Variants in PRKCI observed in about 807,000 individuals in gnomAD.
PRKCI encodes protein kinase C iota.
In PRKCI, 43 loss-of-function variants were observed where a neutral mutation model predicts 84.0. That is an observed-to-expected ratio of 0.51 (90% CI 0.40 to 0.66). The LOEUF (loss-of-function observed/expected upper bound fraction) is 0.66. Among genes scored for constraint, PRKCI ranks in the 30% least tolerant of loss-of-function variants. PRKCI has a pLI of 0.00. For synonymous variants in PRKCI, 216 were observed against 234.4 expected (o/e 0.92, Z 0.72); for missense variants, 459 against 745.6 (o/e 0.62, Z 4.48).
At chr3:170,272,150 T>G (rs962732110) in intron 6 of PRKCI, among the ~76,000 whole-genome samples, 2 of 152,170 alleles carry the variant, frequency 1.3e-5, no homozygotes, top group African/African-American at 4.8e-5. Flanking sequence ...TAGTGAACTT[T>G]CTGGCAAATC....
At chr3:170,247,266 G>T (rs1294703414) in intron 2 of PRKCI, among the ~76,000 whole-genome samples, 1 of 151,682 alleles carries the variant, frequency 6.6e-6, no homozygotes. Flanking sequence ...ATGTTGCCCA[G>T]GCTGGTCTTG....
intron 4 of PRKCI, among the ~76,000 whole-genome samples, chr3:170,265,990 T>C (rs1338248122): frequency 2.0e-5 from 3 of 152,188 alleles, no homozygotes; most frequent in Non-Finnish European, 4.4e-5. Flanking sequence ...GTCTTTAGTA[T>C]CTTAATTTTA....
rs199938459 is a variant in PRKCI at position 170,235,566 on chromosome 3, C to CTTTTTTTTTTTTTT, written c.223+219_223+232dup. The stretch of plus-strand genomic sequence containing the variant: ...CCAAAATGATGTGAAATTAACTTGA[C>CTTTTTTTTTTTTTT]TTTTTTTTTTTTTTTTTGAGACGGA... On this transcript the variant is annotated intron_variant, in intron 2 of 17. Coordinates refer to ENST00000295797, the MANE Select transcript of PRKCI (RefSeq NM_002740.6). 4.5e-4 allele frequency among the ~76,000 whole-genome samples: 61 copies of CTTTTTTTTTTTTTT among 136,220 alleles called. 2 individuals are homozygous for CTTTTTTTTTTTTTT. The highest frequency in any genetic ancestry group is 5.3e-4 in the African/African-American group (20 of 37,406). The allele number at this position is 136,220 out of a possible 152,430, so 89.4% of individuals were successfully genotyped here.
chr3:170,223,852 C>T (rs1446022519), intron 1 of PRKCI, among the ~76,000 whole-genome samples: 1 of 152,082 alleles, frequency 6.6e-6, no homozygotes, highest in Non-Finnish European at 1.5e-5. Context: ...CTCAAACTAC[C>T]TCTCTTGTTT....
rs562496526 is a variant in PRKCI, at chr3:170,229,237, G to C, written c.102-5993G>C. ...ATTTCCACACATGCATCTGCAACTT[G>C]ATTTTAAAAATCGTGGTCATCTTTT... On this transcript the variant is annotated intron_variant, in intron 1 of 17. Transcript: ENST00000295797. Among the ~76,000 whole-genome samples, 7 of 152,234 alleles carry C rather than the reference G, an allele frequency of 4.6e-5. No homozygotes were observed. The South Asian group carries it at 1.2e-3, about 27-fold the overall frequency.
chr3:170,293,573 A>T (rs766278147), intron 14 of PRKCI, 65 bp downstream of exon 14: 196 of 1,514,978 alleles, frequency 1.3e-4, no homozygotes, highest in Non-Finnish European at 1.7e-4. Flanking sequence ...AATGAGAGTG[A>T]TTCAGGTTAC....
intron 11 of PRKCI, among the ~76,000 whole-genome samples, chr3:170,282,326 T>G (rs1289174096): frequency 6.6e-6 from 1 of 152,158 alleles, no homozygotes; most frequent in East Asian, 1.9e-4. Context: ...CACTTATTAG[T>G]CTTTTCAGGT....
intron 1 of PRKCI, among the ~76,000 whole-genome samples, chr3:170,227,495 TTCCTA>T (rs1346074846): frequency 1.3e-5 from 2 of 152,194 alleles, no homozygotes; most frequent in African/African-American, 2.4e-5. Context: ...GATGGAAGCC[TTCCTA>T]GAGGAAATGT....
At chr3:170,261,454 T>C (rs1324239187) in intron 3 of PRKCI, among the ~76,000 whole-genome samples, 1 of 142,608 alleles carries the variant, frequency 7.0e-6, no homozygotes, top group African/African-American at 3.0e-5. Context: ...ACAGTGTTTT[T>C]TTTTTAAAAA....
chr3:170,274,511 A>C (rs1734069481), intron 7 of PRKCI, among the ~76,000 whole-genome samples: 2 of 152,204 alleles, frequency 1.3e-5, no homozygotes, highest in African/African-American at 4.8e-5. Flanking sequence ...CAATATAGGA[A>C]ATTCCAGGAA....
At chr3:170,279,141 C>T (rs950571262) in intron 8 of PRKCI, among the ~76,000 whole-genome samples, 4 of 152,176 alleles carry the variant, frequency 2.6e-5, no homozygotes, top group East Asian at 1.9e-4. Context: ...GATCCTCCCA[C>T]CTCAGCCTCC....
At chr3:170,252,385 A>G (rs1733474102) in intron 2 of PRKCI, among the ~76,000 whole-genome samples, 2 of 152,102 alleles carry the variant, frequency 1.3e-5, no homozygotes, top group African/African-American at 4.8e-5. Context: ...GTATGTGTTT[A>G]TGGGGTACAT....
intron 4 of PRKCI, among the ~76,000 whole-genome samples, chr3:170,267,156 G>C (rs1733878883): frequency 1.3e-5 from 2 of 151,930 alleles, no homozygotes; most frequent in Non-Finnish European, 2.9e-5. Flanking sequence ...TCAGACAATG[G>C]ATACTTGGGT....
intron 2 of PRKCI, among the ~76,000 whole-genome samples, chr3:170,250,979 G>A (rs1733428585): frequency 6.6e-6 from 1 of 152,080 alleles, no homozygotes; most frequent in Non-Finnish European, 1.5e-5. Context: ...TATAAAATGA[G>A]CATATGAAAA....
intron 11 of PRKCI, among the ~76,000 whole-genome samples, chr3:170,283,508 T>A: frequency 6.6e-6 from 1 of 152,216 alleles, no homozygotes; most frequent in South Asian, 2.1e-4. Flanking sequence ...TATTTGGGTT[T>A]TTTTGTTGTT....
intron 1 of PRKCI, among the ~76,000 whole-genome samples, chr3:170,228,327 T>C (rs112051974): frequency 0.051 from 7,747 of 152,234 alleles, 401 homozygotes; most frequent in African/African-American, 0.12. Flanking sequence ...AGGCTGGGTA[T>C]GGTGGTTCAT....
intron 1 of PRKCI, among the ~76,000 whole-genome samples, chr3:170,226,750 A>G (rs1732636457): frequency 6.6e-6 from 1 of 152,200 alleles, no homozygotes; most frequent in Non-Finnish European, 1.5e-5. Context: ...AATATACTTT[A>G]GTAATGGTTC....
intron 2 of PRKCI, among the ~76,000 whole-genome samples, chr3:170,239,183 A>G (rs75323372): frequency 0.02 from 2,981 of 152,338 alleles, 45 homozygotes; most frequent in East Asian, 0.085. Flanking sequence ...AAACATTTTT[A>G]AAGATCAGTA....
In PRKCI at chr3:170,293,741, C is replaced by T. The variant is rs548345713; in HGVS notation, c.1417+233C>T. 4.6e-5 allele frequency among the ~76,000 whole-genome samples: 7 copies of T among 152,274 alleles called. No individual in the cohort carries two copies. In the East Asian group the frequency reaches 1.2e-3, roughly 25 times the overall value. On this transcript the variant is annotated intron_variant, in intron 14 of 17. Coordinates refer to ENST00000295797, the MANE Select transcript of PRKCI (RefSeq NM_002740.6). ...AATCTCGGCTCCATGCAACCTCCAC[C>T]TCCCTGGTTCAAGCAATTCTTCTGC...
Sources: allele counts gnomAD v4.1 joint callset (sites outside exome capture counted in the v4.1 genomes callset), GRCh38; gene constraint gnomAD v4.1.1; transcripts MANE v1.5; gene names NCBI Gene and HGNC (gene_info 2026-07-23, HGNC 2026-07-21).